SP6: variants seen among roughly 807,000 people sequenced by gnomAD.
SP6 encodes transcription factor Sp6.
Under a neutral mutation model 23.4 loss-of-function variants are expected in SP6, and 10 were observed. The observed-to-expected ratio is 0.43, with a 90% CI of 0.26 to 0.72. SP6 has a LOEUF of 0.72. Ranked by LOEUF, SP6 falls within the 30% of genes least tolerant of loss-of-function variation. SP6 has a pLI of 0.23. For synonymous variants in SP6, 238 were observed against 238.7 expected, an observed-to-expected ratio of 1.00 and a Z score of 0.03; for missense variants, 482 against 523.8, an observed-to-expected ratio of 0.92 and a Z score of 0.78.
the SP6 span, among the ~76,000 whole-genome samples, chr17:47,870,642 C>T: frequency 8.7e-4 from 133 of 152,174 alleles, no homozygotes; most frequent in Middle Eastern, 0.01. Context: ...GCTGGGTTTT[C>T]ACTGCAAAGA....
Position 47,847,406 on chromosome 17 carries a change from C to A in SP6, c.1024G>T (p.Glu342Ter). The A allele has an allele frequency of 6.2e-7, 1 of 1,613,408 alleles. No homozygotes were observed. The highest frequency in any genetic ancestry group is 8.5e-7 in the Non-Finnish European group (1 of 1,179,820). Residue 342 changes from glutamate (E) to a stop codon, truncating the protein, a stop_gained, in exon 2 of 2, where the codon GAG (glutamate) becomes TAG (stop). Transcript: ENST00000536300. LOFTEE classifies it high-confidence loss of function. ...HMKTHEGAKE[E>*]AAGAASGEGK... ...TCTCCCGAGGCCGCCCCAGCCGCCTCCTCCTTGGCGCCCTCGTGGGTTTTC... is the reference window on the plus strand; with the variant it reads ...TCTCCCGAGGCCGCCCCAGCCGCCTACTCCTTGGCGCCCTCGTGGGTTTTC...
chr17:47,864,243 TTTTTTGTTTTTG>T, the SP6 span, among the ~76,000 whole-genome samples: 2 of 151,428 alleles, frequency 1.3e-5, no homozygotes, highest in African/African-American at 2.4e-5. Flanking sequence ...CTTTTTTCCT[TTTTTTGTTTTTG>T]TTTTTGTTTT....
chr17:47,854,212 G>T (rs2033982229), upstream of SP6, among the ~76,000 whole-genome samples: 2 of 152,184 alleles, frequency 1.3e-5, no homozygotes, highest in South Asian at 4.1e-4. Flanking sequence ...GATCCACTTT[G>T]TACCTGGAGA....
At chr17:47,873,079 C>A in the SP6 span, among the ~76,000 whole-genome samples, 1 of 152,326 alleles carries the variant, frequency 6.6e-6, no homozygotes, top group African/African-American at 2.4e-5. Flanking sequence ...CAGGGAGATT[C>A]CAGAGCTCTG....
rs1235898105 is a variant in SP6 at position 47,846,076 on chromosome 17, G to A, written c.*1223C>T. 2.0e-5 allele frequency: 3 copies of A among 152,236 alleles called. No individual in the cohort carries two copies. Among genetic ancestry groups the A allele is most frequent in the African/African-American group, 7.2e-5 (3 of 41,462 alleles). 9.4% of individuals were successfully genotyped at this position (152,236 alleles called of 1,614,324 possible). On this transcript the variant is annotated 3_prime_UTR_variant, in exon 2 of 2. Transcript: ENST00000536300. Reference sequence around the variant, plus strand: ...TTCCTGGATGTCACCTCAGAAGGCAGAACCCCTTCCAGTGGGAGAACAACT... The same window carrying A: ...TTCCTGGATGTCACCTCAGAAGGCAAAACCCCTTCCAGTGGGAGAACAACT...
At chr17:47,850,084 G>A (rs8064399) in intron 1 of SP6, among the ~76,000 whole-genome samples, 42,625 of 152,110 alleles carry the variant, frequency 0.28, 7,114 homozygotes, top group Non-Finnish European at 0.38. Flanking sequence ...GCCCCAGGCC[G>A]GGGTGGGGCA....
chr17:47,850,396 G>A (rs1196085077), intron 1 of SP6, among the ~76,000 whole-genome samples: 1 of 152,140 alleles, frequency 6.6e-6, no homozygotes, highest in Non-Finnish European at 1.5e-5. Context: ...AATAGAGGAG[G>A]GGGCAGGTCT....
chr17:47,853,864 C>G (rs181739805), upstream of SP6, among the ~76,000 whole-genome samples: 4 of 152,326 alleles, frequency 2.6e-5, no homozygotes, highest in Admixed American at 2.6e-4. Flanking sequence ...AGGGTACTGG[C>G]ACTATCTTTC....
In SP6 at chr17:47,847,843, G is replaced by A; in HGVS notation, c.587C>T (p.Ala196Val). The A allele has an allele frequency of 6.6e-7, 1 of 1,519,210 alleles. No homozygotes were observed. The allele number at this position is 1,519,210 out of a possible 1,614,324, so 94.1% of individuals were successfully genotyped here. A position where few individuals can be genotyped will look rare whatever the true frequency, so the allele number is the denominator to read the frequency against. ...GGAATCCAGCCCTTGAGACTCCGGG[G>A]CGGCTACTTCCAAGGCCTTAGCCCC... The part of the protein sequence containing the change: ...PDGAKALEVA[A>V]PESQGLDSSL... The change falls in exon 2 of 2, where the codon GCC becomes GTC. Residue 196 changes from alanine (A) to valine (V), a missense_variant. Physicochemically the swap from Ala to Val is moderately conservative, Grantham distance 64 (BLOSUM62 0). Transcript: ENST00000536300.
upstream of SP6, among the ~76,000 whole-genome samples, chr17:47,856,332 G>A (rs1335381289): frequency 6.6e-6 from 1 of 152,194 alleles, no homozygotes; most frequent in Admixed American, 6.5e-5. Context: ...ATTGTCAAAT[G>A]GGAAGGGAGG....
At position 47,847,684 on chromosome 17, in the gene SP6, T is replaced by G. The variant is rs1357940236; in HGVS notation, c.746A>C (p.Lys249Thr). 6.2e-7 allele frequency: 1 copy of G among 1,609,996 alleles called. No homozygotes were observed. Among genetic ancestry groups the G allele is most frequent in the East Asian group, 2.2e-5 (1 of 44,838 alleles). ...GTGGCAGTTGTGCAAATGCTTCTTCTTGCCCCCATCGGGCCCACATGGAGC... is the reference window on the plus strand; with the variant it reads ...GTGGCAGTTGTGCAAATGCTTCTTCGTGCCCCCATCGGGCCCACATGGAGC... ...LGAPCGPDGGKKKHLHNCHIP... is the reference protein window; with the variant it reads ...LGAPCGPDGGTKKHLHNCHIP... Residue 249 changes from lysine (K) to threonine (T), a missense_variant, in exon 2 of 2, where the codon AAG becomes ACG. By Grantham distance (78) the Lys-to-Thr change is moderately conservative. This residue lies in a region of SP6 where 51 missense variants were observed against 92.1 expected (regional missense o/e 0.55). Coordinates refer to ENST00000536300, the MANE Select transcript of SP6 (RefSeq NM_001258248.2).
the SP6 span, among the ~76,000 whole-genome samples, chr17:47,865,449 C>T: frequency 6.6e-6 from 1 of 152,136 alleles, no homozygotes; most frequent in African/African-American, 2.4e-5. Context: ...ACCGAAAGAG[C>T]CTCTGAGAGG....
chr17:47,858,653 T>C (rs2051150110), upstream of SP6, among the ~76,000 whole-genome samples: 1 of 152,012 alleles, frequency 6.6e-6, no homozygotes, highest in Non-Finnish European at 1.5e-5. Context: ...TGTGGAAGTG[T>C]CAACTTGCTG....
chr17:47,852,560 C>T (rs1247263120), upstream of SP6, among the ~76,000 whole-genome samples: 2 of 152,066 alleles, frequency 1.3e-5, no homozygotes, highest in South Asian at 4.1e-4. Context: ...TGAATTTAGG[C>T]TGATTTAATC....
the SP6 span, among the ~76,000 whole-genome samples, chr17:47,871,809 CG>C: frequency 6.6e-6 from 1 of 152,006 alleles, no homozygotes; most frequent in Non-Finnish European, 1.5e-5. Flanking sequence ...TTAGTAGAGA[CG>C]GGGTTTCACC....
Position 47,847,375 on chromosome 17 carries a change from T to C in SP6, c.1055A>G (p.Lys352Arg). ...EAAGAASGEGKAGGAVEPPGG... is the reference protein window; with the variant it reads ...EAAGAASGEGRAGGAVEPPGG... ...GGGGGGCTCCACTGCGCCGCCGGCCTTGCCCTCTCCCGAGGCCGCCCCAGC... is the reference window on the plus strand; with the variant it reads ...GGGGGGCTCCACTGCGCCGCCGGCCCTGCCCTCTCCCGAGGCCGCCCCAGC... Residue 352 changes from lysine (K) to arginine (R), a missense_variant, in exon 2 of 2, where the codon AAG becomes AGG. By Grantham distance (26) the Lys-to-Arg change is conservative (BLOSUM62 2). This residue lies in a region of SP6 where 101 missense variants were observed against 99.3 expected (regional missense o/e 1.02). Coordinates refer to ENST00000536300, the MANE Select transcript of SP6 (RefSeq NM_001258248.2). 1 of 1,611,282 alleles carries C rather than the reference T, an allele frequency of 6.2e-7. No homozygotes were observed. Among genetic ancestry groups the C allele is most frequent in the Non-Finnish European group, 8.5e-7 (1 of 1,179,050 alleles).
chr17:47,862,794 C>A, the SP6 span, among the ~76,000 whole-genome samples: 117 of 152,226 alleles, frequency 7.7e-4, no homozygotes, highest in Non-Finnish European at 1.3e-3. Flanking sequence ...GAGACTCAGC[C>A]TCCTGTAGTG....
the SP6 span, among the ~76,000 whole-genome samples, chr17:47,870,889 C>T: frequency 6.6e-6 from 1 of 152,166 alleles, no homozygotes; most frequent in Non-Finnish European, 1.5e-5. Flanking sequence ...GGCTCTATAA[C>T]CTAGAGTCTG....
the SP6 span, among the ~76,000 whole-genome samples, chr17:47,867,140 C>T: frequency 6.6e-6 from 1 of 152,170 alleles, no homozygotes; most frequent in Non-Finnish European, 1.5e-5. Context: ...CGTCTTATCG[C>T]GCTGCCCCAG....
Sources: allele counts gnomAD v4.1 joint callset (sites outside exome capture counted in the v4.1 genomes callset), GRCh38; gene constraint gnomAD v4.1.1; regional missense constraint gnomAD v4.1.1; transcripts MANE v1.5; gene names NCBI Gene and HGNC (gene_info 2026-07-23, HGNC 2026-07-21).